The following PRSS55 variants were observed in gnomAD, a reference collection of about 807,000 sequenced individuals.
The protein encoded by PRSS55 is probable serine protease UNQ9391/PRO34284.
Under a neutral mutation model 23.6 loss-of-function variants are expected in PRSS55, and 41 were observed. The observed-to-expected ratio is 1.74, with a 90% CI of 1.35 to 2.26. PRSS55 has a LOEUF of 2.26. Among genes scored for constraint, PRSS55 ranks in the 30% most tolerant of loss-of-function variants. The probability of loss-of-function intolerance (pLI) is 0.00; values close to 1 mark genes in which losing one functional copy is unlikely to be tolerated. For missense variants in PRSS55, 669 were observed against 439.1 expected (o/e 1.52, Z -4.68); for synonymous variants, 262 against 175.5 (o/e 1.49, Z -3.90).
chr8:10,542,347 G>A (rs1296903831), downstream of PRSS55, among the ~76,000 whole-genome samples: 1 of 148,316 alleles, frequency 6.7e-6, no homozygotes, highest in Non-Finnish European at 1.5e-5. Flanking sequence ...CTGCTGCTAA[G>A]GTGTTTAAAC....
At chr8:10,530,234 C>T (rs558241227) in intron 2 of PRSS55, among the ~76,000 whole-genome samples, 2 of 152,350 alleles carry the variant, frequency 1.3e-5, no homozygotes, top group South Asian at 4.1e-4. Context: ...CTTCGGGAGG[C>T]TGAGGCAGGT....
rs534068465 is a variant in PRSS55 at position 10,546,718 on chromosome 8, CTG to C, written c.742-7223_742-7222del. Among the ~76,000 whole-genome samples, 812 of 152,220 alleles carry C rather than the reference CTG, an allele frequency of 5.3e-3. 7 individuals are homozygous for C. The highest frequency in any genetic ancestry group is 0.019 in the African/African-American group (782 of 41,520). The stretch of plus-strand genomic sequence containing the variant: ...CAAACAAAAAACACAGGGTCTCACT[CTG>C]TTGCTCAGGCAGAAGTTCAGTGGCC... On this transcript the variant is annotated intron_variant, in intron 4 of 4. Coordinates refer to the PRSS55 transcript ENST00000522210.
chr8:10,554,137 C>T, exon 5 of PRSS55: 2 of 646,124 alleles, frequency 3.1e-6, no homozygotes, highest in South Asian at 3.0e-5. Context: ...GTCCAAATGA[C>T]TGAAAAAATG....
chr8:10,549,156 C>T lies in PRSS55; in HGVS notation c.742-4787C>T, dbSNP rs530503238. Reference sequence around the variant, plus strand: ...GAGATGGATGTAAACGGATAGTCACCTCATCATAATAAGTGCTAGGATGGA... The same window carrying T: ...GAGATGGATGTAAACGGATAGTCACTTCATCATAATAAGTGCTAGGATGGA... On this transcript the variant is annotated intron_variant, in intron 4 of 4. Coordinates refer to the PRSS55 transcript ENST00000522210. 3.3e-5 allele frequency among the ~76,000 whole-genome samples: 5 copies of T among 152,290 alleles called. No homozygotes were observed. The South Asian group carries it at 1.0e-3, about 32-fold the overall frequency.
downstream of PRSS55, among the ~76,000 whole-genome samples, chr8:10,539,353 A>T (rs1035654976): frequency 6.6e-6 from 1 of 152,236 alleles, no homozygotes; most frequent in Non-Finnish European, 1.5e-5. Context: ...CTCCAAGTTG[A>T]CATATGAGAT....
rs750765458 is a variant in PRSS55, at chr8:10,529,688, C to T, written c.336C>T (p.Ser112=). Residue 112 remains serine (S), a synonymous_variant, in exon 2 of 5, where the codon TCC becomes TCT. Transcript: ENST00000328655. ...WILTAAHCLY[S]EELFPEELSV... ...TCACTGCGGCTCACTGCTTATATTC[C>T]GAGGAGCTGTTGTAAGTACCATGGG... The T allele has an allele frequency of 8.5e-5, 137 of 1,613,442 alleles. No homozygotes were observed. The highest frequency in any genetic ancestry group is 1.1e-4 in the Non-Finnish European group (133 of 1,179,548).
intron 2 of PRSS55, among the ~76,000 whole-genome samples, chr8:10,530,489 T>C (rs528676369): frequency 4.6e-5 from 7 of 152,052 alleles, no homozygotes; most frequent in Admixed American, 3.3e-4. Flanking sequence ...AAAAGAAAAA[T>C]AAACTTTCCT....
chr8:10,533,553 C>T (rs1455407042), intron 4 of PRSS55, among the ~76,000 whole-genome samples: 1 of 152,154 alleles, frequency 6.6e-6, no homozygotes, highest in African/African-American at 2.4e-5. Context: ...AGACTGGTCT[C>T]TTTGCCTCTC....
rs138866592 is a variant in PRSS55, at chr8:10,531,506, C to A, written c.559C>A (p.Arg187Ser). ...CACGCAGCCCGGCCCTGCCACATGG[C>A]GCGAATGCTGGGTGGCAGGTTGGGG... ...LPTQPGPATW[R>S]ECWVAGWGQT... The change falls in exon 3 of 5, where the codon CGC becomes AGC. Residue 187 changes from arginine (R) to serine (S), a missense_variant. Arg to Ser is a moderately radical substitution (Grantham distance 110). Transcript: ENST00000328655. 2.5e-6 allele frequency: 4 copies of A among 1,613,844 alleles called. No individual in the cohort carries two copies. In the South Asian group the frequency reaches 4.4e-5, roughly 18 times the overall value.
At chr8:10,532,369 T>C (rs1229122315) in intron 3 of PRSS55, among the ~76,000 whole-genome samples, 3 of 152,114 alleles carry the variant, frequency 2.0e-5, no homozygotes, top group Non-Finnish European at 2.9e-5. Context: ...GTTAATGAGA[T>C]GGAGAGGAAT....
At chr8:10,534,652 G>C (rs112208725) in intron 4 of PRSS55, among the ~76,000 whole-genome samples, 23 of 152,298 alleles carry the variant, frequency 1.5e-4, no homozygotes, top group Non-Finnish European at 2.6e-4. Context: ...CTCAGGACCA[G>C]AACAACACAA....
In PRSS55 at chr8:10,532,955, C is replaced by T. The variant is rs1398124854; in HGVS notation, c.648C>T (p.Ile216=). 6.2e-7 allele frequency: 1 copy of T among 1,614,102 alleles called. No homozygotes were observed. The highest frequency in any genetic ancestry group is 8.5e-7 in the Non-Finnish European group (1 of 1,180,052). Reference sequence around the variant, plus strand: ...ATCTGATGAAAGCGCCAATGGTCATCATGGACTGGGAGGAGTGTTCAAAGA... The same window carrying T: ...ATCTGATGAAAGCGCCAATGGTCATTATGGACTGGGAGGAGTGTTCAAAGA... The part of the protein sequence containing the change: ...KTDLMKAPMV[I]MDWEECSKMF... The change falls in exon 4 of 5, where the codon ATC becomes ATT. Residue 216 remains isoleucine, a synonymous_variant. Coordinates refer to ENST00000328655, the MANE Select transcript of PRSS55 (RefSeq NM_198464.4).
intron 1 of PRSS55, chr8:10,529,269 G>C (rs986088004): frequency 3.5e-6 from 2 of 572,108 alleles, no homozygotes; most frequent in East Asian, 3.0e-5. Flanking sequence ...ATGCTGGATA[G>C]AGTCAGAGCC....
rs1812323629 is a variant in PRSS55 at position 10,532,958 on chromosome 8, G to GAACT, written c.651_652insAACT (p.Asp218AsnfsTer2). ...TGATGAAAGCGCCAATGGTCATCAT[G>GAACT]GACTGGGAGGAGTGTTCAAAGATGT... On this transcript the variant is annotated frameshift_variant, in exon 4 of 5. Coordinates refer to ENST00000328655, the MANE Select transcript of PRSS55 (RefSeq NM_198464.4). LOFTEE classifies it high-confidence loss of function. The GAACT allele has an allele frequency of 1.2e-6, 2 of 1,614,176 alleles. No homozygotes were observed. The highest frequency in any genetic ancestry group is 1.7e-6 in the Non-Finnish European group (2 of 1,180,020).
intron 4 of PRSS55, among the ~76,000 whole-genome samples, chr8:10,547,262 G>A (rs1812840928): frequency 6.6e-6 from 1 of 152,182 alleles, no homozygotes; most frequent in Non-Finnish European, 1.5e-5. Context: ...CCAGCCGGTG[G>A]CCTCTGACAC....
intron 4 of PRSS55, among the ~76,000 whole-genome samples, chr8:10,535,277 A>T (rs1812415821): frequency 6.6e-6 from 1 of 152,252 alleles, no homozygotes. Context: ...CTAAGCAAAA[A>T]GAACAAAGCT....
intron 4 of PRSS55, among the ~76,000 whole-genome samples, chr8:10,535,823 G>A (rs185875181): frequency 4.1e-3 from 622 of 152,252 alleles, no homozygotes; most frequent in South Asian, 0.012. Flanking sequence ...ATCTGACAAA[G>A]GTCTAATATT....
rs752495206 is a variant in PRSS55 at position 10,531,557 on chromosome 8, C to T, written c.598+12C>T. ...CCAGACCAATGCTGGTATGTGACTG[C>T]TCAGCTTCCCCTGGGGAAAAAGCCA... On this transcript the variant is annotated intron_variant, in intron 3 of 4. Coordinates refer to ENST00000328655, the MANE Select transcript of PRSS55 (RefSeq NM_198464.4). The T allele has an allele frequency of 6.2e-7, 1 of 1,612,006 alleles. No individual in the cohort carries two copies. The highest frequency in any genetic ancestry group is 1.7e-5 in the Admixed American group (1 of 59,994).
At chr8:10,550,128 A>G (rs897669951) in intron 4 of PRSS55, among the ~76,000 whole-genome samples, 6 of 152,258 alleles carry the variant, frequency 3.9e-5, no homozygotes, top group African/African-American at 1.4e-4. Context: ...CATGTTGGCC[A>G]GGCTGATTGG....
Sources: gnomAD v4.1 joint callset for allele counts (sites outside exome capture counted in the v4.1 genomes callset) on GRCh38, gnomAD v4.1.1 for gene constraint, MANE v1.5 for transcripts, NCBI Gene and HGNC (gene_info 2026-07-23, HGNC 2026-07-21) for gene names.